Variants in NECAB2 observed in about 807,000 individuals in gnomAD.
NECAB2 encodes N-terminal EF-hand calcium-binding protein 2.
In NECAB2, 68 loss-of-function variants were observed where a neutral mutation model predicts 51.9. That is an observed-to-expected ratio of 1.31 (90% CI 1.08 to 1.60). The LOEUF (loss-of-function observed/expected upper bound fraction) is 1.60. NECAB2 is among the 40% of genes most tolerant of loss of function. The probability of loss-of-function intolerance (pLI) is 0.00; values close to 1 mark genes in which losing one functional copy is unlikely to be tolerated. For missense variants in NECAB2, 854 were observed against 490.3 expected (o/e 1.74, Z -7.00); for synonymous variants, 329 against 203.5 (o/e 1.62, Z -5.25).
At chr16:84,000,634 G>A in intron 10 of NECAB2, 90 bp from the exon 11 acceptor site, 1 of 1,007,544 alleles carries the variant, frequency 9.9e-7, no homozygotes, top group Non-Finnish European at 1.5e-6. Context: ...GTTGTGTATA[G>A]TGGTGGGTCT....
chr16:83,983,201 T>C (rs187517179), intron 5 of NECAB2, among the ~76,000 whole-genome samples: 1 of 152,204 alleles, frequency 6.6e-6, no homozygotes, highest in Non-Finnish European at 1.5e-5. Flanking sequence ...GGTTTTTGTT[T>C]GTAGAAATGC....
chr16:83,990,147 C>G (rs1469727201), intron 5 of NECAB2, among the ~76,000 whole-genome samples: 1 of 152,190 alleles, frequency 6.6e-6, no homozygotes, highest in Non-Finnish European at 1.5e-5. Flanking sequence ...TTGATTGAGT[C>G]TTTGCTGTGT....
intron 5 of NECAB2, 97 bp from the exon 6 acceptor site, chr16:83,990,397 C>G (rs1597214675): frequency 1.3e-6 from 2 of 1,489,714 alleles, no homozygotes; most frequent in South Asian, 1.3e-5. Flanking sequence ...AAAGCAAATT[C>G]ACCAGCACCA....
intron 10 of NECAB2, 67 bp from the exon 11 acceptor site, chr16:84,000,657 G>A: frequency 6.9e-7 from 1 of 1,445,854 alleles, no homozygotes; most frequent in South Asian, 1.2e-5. Flanking sequence ...GGCCACCCCA[G>A]GGGAACAGCA....
chr16:83,972,200 G>C (rs1461139430), intron 2 of NECAB2, 25 bp downstream of exon 2: 1 of 1,613,510 alleles, frequency 6.2e-7, no homozygotes, highest in South Asian at 1.1e-5. Context: ...CAGGCCGACG[G>C]CCGCCCCACT....
At chr16:83,966,075 A>G, upstream of NECAB2, 1 of 1,281,420 alleles carries the variant, frequency 7.8e-7, no homozygotes, top group Non-Finnish European at 1.0e-6. Context: ...TGCTGGATGC[A>G]GGACCCGTCC....
chr16:83,966,048 A>G (rs77204347), upstream of NECAB2: 176,198 of 1,410,652 alleles, frequency 0.12, 12,004 homozygotes, highest in South Asian at 0.17. Flanking sequence ...CTGAGAGGAC[A>G]GAGATGACCA....
At chr16:83,978,368 G>C in intron 2 of NECAB2, 76 bp from the exon 3 acceptor site, 5 of 1,161,624 alleles carry the variant, frequency 4.3e-6, no homozygotes, top group Non-Finnish European at 5.0e-6. Flanking sequence ...ACTGGATTTG[G>C]GGGCCGTGCA....
At chr16:83,975,865 C>A (rs556268006) in intron 2 of NECAB2, among the ~76,000 whole-genome samples, 1 of 152,278 alleles carries the variant, frequency 6.6e-6, no homozygotes, top group African/African-American at 2.4e-5. Flanking sequence ...CAGCGCGGGC[C>A]CGCTTGGCCT....
intron 5 of NECAB2, among the ~76,000 whole-genome samples, chr16:83,986,727 TTAGAC>T: frequency 6.6e-6 from 1 of 151,506 alleles, no homozygotes; most frequent in Middle Eastern, 3.4e-3. Flanking sequence ...CCTATTTTGC[TTAGAC>T]TAGTCTCAAA....
In NECAB2 at chr16:83,997,395, C is replaced by T. The variant is rs74032358; in HGVS notation, c.849+126C>T. On this transcript the variant is annotated intron_variant, in intron 9 of 12. Coordinates refer to ENST00000305202, the MANE Select transcript of NECAB2 (RefSeq NM_019065.3). ...TTGGGACCACCAGGAGGGGAGATGT[C>T]GCCCAGCGCTTGGCACCCAGACCCT... 9.2e-3 allele frequency: 11,193 copies of T among 1,220,734 alleles called. 293 individuals carry two copies. Among genetic ancestry groups the T allele is most frequent in the African/African-American group, 0.082 (5,489 of 66,534 alleles). 75.6% of individuals were successfully genotyped at this position (1,220,734 alleles called of 1,614,324 possible). A position where few individuals can be genotyped will look rare whatever the true frequency, so the allele number is the denominator to read the frequency against.
chr16:83,987,778 C>T (rs1348703037), intron 5 of NECAB2, among the ~76,000 whole-genome samples: 1 of 152,050 alleles, frequency 6.6e-6, no homozygotes, highest in Non-Finnish European at 1.5e-5. Context: ...CCATATTTTG[C>T]ACTATTTCTT....
intron 1 of NECAB2, 46 bp downstream of exon 1, chr16:83,968,895 C>T: frequency 9.4e-7 from 1 of 1,059,944 alleles, no homozygotes; most frequent in South Asian, 4.5e-5. Flanking sequence ...TCCGCTGGGA[C>T]CCGGAGCCCC....
intron 2 of NECAB2, among the ~76,000 whole-genome samples, chr16:83,974,387 C>T (rs779224077): frequency 6.6e-6 from 1 of 152,176 alleles, no homozygotes; most frequent in African/African-American, 2.4e-5. Context: ...TGGCTTCGCT[C>T]ATTGAAGATA....
At chr16:83,987,009 A>C (rs1165520142) in intron 5 of NECAB2, among the ~76,000 whole-genome samples, 1 of 152,188 alleles carries the variant, frequency 6.6e-6, no homozygotes, top group African/African-American at 2.4e-5. Context: ...AAACAGGCAT[A>C]AGTACCCTCT....
chr16:84,000,975 T>G (rs981050740), intron 11 of NECAB2, among the ~76,000 whole-genome samples, 174 bp downstream of exon 11: 2 of 126,334 alleles, frequency 1.6e-5, no homozygotes, highest in South Asian at 2.2e-4. Context: ...AGGCAGGAGC[T>G]CTTGGTGGGT....
chr16:83,999,798 G>A (rs937399433), intron 10 of NECAB2, among the ~76,000 whole-genome samples: 1 of 151,106 alleles, frequency 6.6e-6, no homozygotes, highest in African/African-American at 2.5e-5. Context: ...CAGGTACAGT[G>A]CAGTGGGGGT....
At chr16:83,980,736 C>T in intron 3 of NECAB2, 103 bp from the exon 4 acceptor site, 1 of 1,444,240 alleles carries the variant, frequency 6.9e-7, no homozygotes, top group Non-Finnish European at 9.5e-7. Flanking sequence ...AGCACACAGG[C>T]TGCAAAGAGC....
intron 10 of NECAB2, 93 bp downstream of exon 10, chr16:83,998,410 G>C: frequency 1.6e-6 from 2 of 1,217,884 alleles, no homozygotes; most frequent in Non-Finnish European, 2.3e-6. Flanking sequence ...GCCCTAAGTA[G>C]TACAAGTTGC....
Sources: gnomAD v4.1 joint callset for allele counts (sites outside exome capture counted in the v4.1 genomes callset) on GRCh38, gnomAD v4.1.1 for gene constraint, MANE v1.5 for transcripts, NCBI Gene and HGNC (gene_info 2026-07-23, HGNC 2026-07-21) for gene names.